Variants in ATG7 observed in about 807,000 individuals in gnomAD.
ATG7 encodes ubiquitin-like modifier-activating enzyme ATG7.
Under a neutral mutation model 82.4 loss-of-function variants are expected in ATG7, and 70 were observed. That is an observed-to-expected ratio of 0.85 (90% confidence interval 0.70 to 1.04). ATG7 has a LOEUF of 1.04. Among genes scored for constraint, ATG7 ranks in the 50% least tolerant of loss-of-function variants. The probability of loss-of-function intolerance (pLI) is 0.00; values close to 1 mark genes in which losing one functional copy is unlikely to be tolerated. For synonymous variants in ATG7, 287 were observed against 313.0 expected, an observed-to-expected ratio of 0.92 and a Z score of 0.88; for missense variants, 792 against 864.3, an observed-to-expected ratio of 0.92 and a Z score of 1.05.
intron 20 of ATG7, among the ~76,000 whole-genome samples, chr3:11,534,458 G>C (rs1314180938): frequency 6.6e-6 from 1 of 152,226 alleles, no homozygotes; most frequent in Non-Finnish European, 1.5e-5. Flanking sequence ...GTCCTGTGTT[G>C]CCCTGTGGGT....
chr3:11,409,367 C>T (rs1435920901), intron 19 of ATG7, among the ~76,000 whole-genome samples: 2 of 152,218 alleles, frequency 1.3e-5, no homozygotes, highest in Non-Finnish European at 2.9e-5. Context: ...ACCACACGAT[C>T]GTGAGGGTAA....
At chr3:11,273,070 CGT>C (rs756842976) in intron 1 of ATG7, among the ~76,000 whole-genome samples, 19 of 152,132 alleles carry the variant, frequency 1.2e-4, no homozygotes, top group Non-Finnish European at 2.2e-4. Flanking sequence ...CAAGCCAAAC[CGT>C]GTGTGTGTGC....
chr3:11,347,986 C>T lies in ATG7; in HGVS notation c.1235C>T (p.Pro412Leu). Reference protein sequence around the residue: ...EFEDCLGGGKPKALAAADRLQ... With the variant: ...EFEDCLGGGKLKALAAADRLQ... ...GAAGATTGCCTAGGGGGTGGTAAGCCCAAGGCTCTGGCAGCAGCGGACCGG... is the reference window on the plus strand; with the variant it reads ...GAAGATTGCCTAGGGGGTGGTAAGCTCAAGGCTCTGGCAGCAGCGGACCGG... Residue 412 changes from proline (P) to leucine (L), a missense_variant, in exon 14 of 21, where the codon CCC becomes CTC. Transcript: ENST00000693202. The T allele has an allele frequency of 1.2e-6, 2 of 1,614,054 alleles. No homozygotes were observed. The highest frequency in any genetic ancestry group is 1.7e-6 in the Non-Finnish European group (2 of 1,179,950).
chr3:11,466,310 C>T (rs1378238735), intron 20 of ATG7, among the ~76,000 whole-genome samples: 1 of 151,962 alleles, frequency 6.6e-6, no homozygotes, highest in Admixed American at 6.5e-5. Flanking sequence ...AATTTTGGAC[C>T]CCATACGGGT....
At chr3:11,458,483 T>A (rs1166227398) in intron 20 of ATG7, among the ~76,000 whole-genome samples, 2 of 152,170 alleles carry the variant, frequency 1.3e-5, no homozygotes, top group East Asian at 3.9e-4. Flanking sequence ...CAGGATGGTC[T>A]CAATCTCCTG....
chr3:11,569,603 G>T, the ATG7 span, among the ~76,000 whole-genome samples: 1 of 152,228 alleles, frequency 6.6e-6, no homozygotes, highest in Non-Finnish European at 1.5e-5. Context: ...TGAGTGGGCC[G>T]GGACACAGCC....
chr3:11,559,419 C>T (rs1247884660), downstream of ATG7: 9 of 1,563,740 alleles, frequency 5.8e-6, no homozygotes, highest in East Asian at 2.4e-5. Context: ...CAGTTGCGGG[C>T]GCCAGCCGAG....
intron 19 of ATG7, among the ~76,000 whole-genome samples, chr3:11,418,973 C>T (rs981980696): frequency 6.6e-6 from 1 of 152,038 alleles, no homozygotes; most frequent in Non-Finnish European, 1.5e-5. Flanking sequence ...CCCCTCCCCC[C>T]CGATCCAGTC....
At chr3:11,485,051 A>G (rs2089466204) in intron 20 of ATG7, among the ~76,000 whole-genome samples, 1 of 152,296 alleles carries the variant, frequency 6.6e-6, no homozygotes, top group East Asian at 1.9e-4. Flanking sequence ...TCCTTTGGGT[A>G]TATACCCAGT....
chr3:11,363,162 T>C, intron 17 of ATG7: 1 of 466,102 alleles, frequency 2.1e-6, no homozygotes, highest in East Asian at 4.1e-5. Flanking sequence ...TGGTTTATTT[T>C]ATTTTTCCAA....
chr3:11,553,451 C>T (rs1206685736), intron 20 of ATG7, among the ~76,000 whole-genome samples: 1 of 152,164 alleles, frequency 6.6e-6, no homozygotes, highest in Non-Finnish European at 1.5e-5. Flanking sequence ...CAGTTTCTTC[C>T]ACTCGGACCA....
At chr3:11,431,293 C>T (rs113537871) in intron 20 of ATG7, among the ~76,000 whole-genome samples, 9,269 of 152,198 alleles carry the variant, frequency 0.061, 300 homozygotes, top group African/African-American at 0.081. Flanking sequence ...CCCAGCTACT[C>T]GGGAGGCTGA....
intron 20 of ATG7, among the ~76,000 whole-genome samples, chr3:11,460,349 T>A (rs981253310): frequency 1.3e-5 from 2 of 152,212 alleles, no homozygotes; most frequent in Non-Finnish European, 2.9e-5. Flanking sequence ...GCTTCTCTTG[T>A]GTGCCAGCTC....
rs536630065 is a variant in ATG7 at position 11,380,118 on chromosome 3, T to A, written c.1956+66T>A. 5 of 1,497,198 alleles carry A rather than the reference T, an allele frequency of 3.3e-6. No individual in the cohort carries two copies. In the South Asian group the frequency reaches 4.5e-5, roughly 14 times the overall value. The allele number at this position is 1,497,198 out of a possible 1,614,324, so 92.7% of individuals were successfully genotyped here. A position where few individuals can be genotyped will look rare whatever the true frequency, so the allele number is the denominator to read the frequency against. ...AGCGGGTCAGCATTTGACCGCAGCC[T>A]CACCAGCTGGAGCCCTTGAAACCAA... On this transcript the variant is annotated intron_variant, in intron 19 of 20. Coordinates refer to ENST00000693202, the MANE Select transcript of ATG7 (RefSeq NM_001349232.2).
In ATG7 at chr3:11,556,684, TCATTAA is replaced by T. The variant is rs1459960816; in HGVS notation, c.*1844_*1849del. 6.6e-6 allele frequency: 1 copy of T among 152,658 alleles called. No individual in the cohort carries two copies. Among genetic ancestry groups the T allele is most frequent in the Admixed American group, 6.5e-5 (1 of 15,282 alleles). The allele number at this position is 152,658 out of a possible 1,614,324, so 9.5% of individuals were successfully genotyped here. A position where few individuals can be genotyped will look rare whatever the true frequency, so the allele number is the denominator to read the frequency against. On this transcript the variant is annotated 3_prime_UTR_variant, in exon 21 of 21. Transcript: ENST00000693202. Reference sequence around the variant, plus strand: ...AAGGGAAAAATTAAATAGCTACATATCATTAACAAATTAATGTTCTTCAAAAAATAC... The same window carrying T: ...AAGGGAAAAATTAAATAGCTACATATCAAATTAATGTTCTTCAAAAAATAC...
intron 3 of ATG7, among the ~76,000 whole-genome samples, chr3:11,292,372 G>A (rs576805461): frequency 6.6e-6 from 1 of 150,902 alleles, no homozygotes; most frequent in South Asian, 2.1e-4. Context: ...CAATTCTCCT[G>A]CGTCAGCCTC....
intron 17 of ATG7, 61 bp downstream of exon 17, chr3:11,362,989 G>A (rs773483584): frequency 3.1e-4 from 445 of 1,418,620 alleles, no homozygotes; most frequent in Non-Finnish European, 4.1e-4. Flanking sequence ...TTGTTCATCA[G>A]TGTCTCCCAT....
At chr3:11,472,166 C>A (rs1395340481) in intron 20 of ATG7, among the ~76,000 whole-genome samples, 2 of 152,284 alleles carry the variant, frequency 1.3e-5, no homozygotes, top group South Asian at 2.1e-4. Context: ...CTGAAAAATT[C>A]ATGGAGAGTT....
rs138656754 is a variant in ATG7 at position 11,408,379 on chromosome 3, C to T, written c.1957-18425C>T. ...GTCTCTAGGAAGTTCCAAACTTTCCCACATTTTGCTGTCTTCTTCTGAGCC... is the reference window on the plus strand; with the variant it reads ...GTCTCTAGGAAGTTCCAAACTTTCCTACATTTTGCTGTCTTCTTCTGAGCC... On this transcript the variant is annotated intron_variant, in intron 19 of 20. Coordinates refer to ENST00000693202, the MANE Select transcript of ATG7 (RefSeq NM_001349232.2). Among the ~76,000 whole-genome samples, 1,212 of 152,290 alleles carry T rather than the reference C, an allele frequency of 8.0e-3. 7 individuals carry two copies. Among genetic ancestry groups the T allele is most frequent in the South Asian group, 0.024 (114 of 4,828 alleles).
Sources: allele counts gnomAD v4.1 joint callset (sites outside exome capture counted in the v4.1 genomes callset), GRCh38; gene constraint gnomAD v4.1.1; transcripts MANE v1.5; gene names NCBI Gene and HGNC (gene_info 2026-07-23, HGNC 2026-07-21).